The following SOX5 variants were observed in gnomAD, a reference collection of about 807,000 sequenced individuals.
SOX5 encodes transcription factor SOX-5.
In SOX5, 9 loss-of-function variants were observed where a neutral mutation model predicts 92.0. That is an observed-to-expected ratio of 0.10 (90% CI 0.06 to 0.17). SOX5 has a LOEUF of 0.17. Ranked by LOEUF, SOX5 falls within the 10% of genes least tolerant of loss-of-function variation. The probability of loss-of-function intolerance (pLI) is 1.00; values close to 1 mark genes in which losing one functional copy is unlikely to be tolerated. For missense variants in SOX5, 642 were observed against 944.5 expected (o/e 0.68, Z 4.20); for synonymous variants, 344 against 336.3 (o/e 1.02, Z -0.25).
chr12:23,557,022 T>A (rs189473758), intron 11 of SOX5, among the ~76,000 whole-genome samples: 132 of 152,320 alleles, frequency 8.7e-4, no homozygotes, highest in Non-Finnish European at 1.7e-3. Context: ...CACTTTTTTT[T>A]ATTATTAAAC....
chr12:23,947,025 C>A (rs184491631), intron 1 of SOX5, among the ~76,000 whole-genome samples: 34 of 151,764 alleles, frequency 2.2e-4, no homozygotes, highest in Non-Finnish European at 1.5e-5. Context: ...AAATCTAAAT[C>A]CAAATTTTGA....
intron 6 of SOX5, among the ~76,000 whole-genome samples, chr12:23,668,909 A>G (rs934361779): frequency 2.0e-5 from 3 of 152,210 alleles, no homozygotes; most frequent in Non-Finnish European, 2.9e-5. Flanking sequence ...AGAACAAGTA[A>G]ATACCTATCA....
intron 10 of SOX5, among the ~76,000 whole-genome samples, chr12:23,575,170 G>A (rs995387365): frequency 6.6e-6 from 1 of 152,122 alleles, no homozygotes; most frequent in African/African-American, 2.4e-5. Flanking sequence ...TAGAATTGAA[G>A]CTATCCACTC....
chr12:23,668,876 C>T (rs2084292087), intron 6 of SOX5, among the ~76,000 whole-genome samples: 1 of 152,134 alleles, frequency 6.6e-6, no homozygotes, highest in Admixed American at 6.6e-5. Context: ...CAACACAAAT[C>T]ACTTATATTA....
chr12:23,883,432 A>C (rs1454021284), intron 2 of SOX5, among the ~76,000 whole-genome samples: 4 of 152,018 alleles, frequency 2.6e-5, no homozygotes, highest in Non-Finnish European at 5.9e-5. Flanking sequence ...TGTTCTGATA[A>C]ATAATCATAA....
intron 1 of SOX5, among the ~76,000 whole-genome samples, chr12:24,476,310 G>GTTT (rs1945372065): frequency 6.6e-6 from 1 of 152,112 alleles, no homozygotes; most frequent in Non-Finnish European, 1.5e-5. Flanking sequence ...TTCTTACTGT[G>GTTT]TTTTCTACCA....
At chr12:24,472,491 TG>T (rs1944920256) in intron 1 of SOX5, among the ~76,000 whole-genome samples, 1 of 152,244 alleles carries the variant, frequency 6.6e-6, no homozygotes, top group African/African-American at 2.4e-5. Context: ...AACTGTGGAC[TG>T]GTTCTCTAAG....
chr12:23,586,701 T>C (rs370220034), intron 9 of SOX5, among the ~76,000 whole-genome samples: 172 of 151,746 alleles, frequency 1.1e-3, no homozygotes, highest in Middle Eastern at 0.01. Context: ...GGGCATGAGT[T>C]GTTGGAAGAT....
At chr12:23,996,930 C>A (rs1000739040) in intron 4 of SOX5, among the ~76,000 whole-genome samples, 4 of 152,198 alleles carry the variant, frequency 2.6e-5, no homozygotes, top group African/African-American at 7.2e-5. Flanking sequence ...AATGACTATG[C>A]CTCTGAATTG....
intron 2 of SOX5, among the ~76,000 whole-genome samples, chr12:24,315,119 C>T (rs1006661832): frequency 6.6e-6 from 1 of 152,176 alleles, no homozygotes; most frequent in African/African-American, 2.4e-5. Flanking sequence ...CTCATTTACT[C>T]TACCTCTAGT....
At chr12:23,700,391 T>TAAA (rs1377055733) in intron 6 of SOX5, among the ~76,000 whole-genome samples, 1 of 152,134 alleles carries the variant, frequency 6.6e-6, no homozygotes, top group African/African-American at 2.4e-5. Context: ...ATCTTAAACT[T>TAAA]CTCATTTTTC....
chr12:24,280,988 G>GGA (rs748413216), intron 2 of SOX5, among the ~76,000 whole-genome samples: 6 of 98,614 alleles, frequency 6.1e-5, no homozygotes, highest in East Asian at 2.9e-4. Context: ...TCAGGGGAAG[G>GGA]GAGAGAGAGA....
At chr12:23,824,461 CAA>C (rs1415774993) in intron 3 of SOX5, among the ~76,000 whole-genome samples, 1 of 152,224 alleles carries the variant, frequency 6.6e-6, no homozygotes, top group East Asian at 1.9e-4. Flanking sequence ...TGTAGAACAG[CAA>C]AGACTGCTGC....
chr12:24,097,024 CCTTACCAATG>C (rs1437040648), intron 4 of SOX5, among the ~76,000 whole-genome samples: 4 of 152,134 alleles, frequency 2.6e-5, no homozygotes, highest in Non-Finnish European at 5.9e-5. Context: ...TTCTCCACAT[CCTTACCAATG>C]CTAGTTATTT....
intron 9 of SOX5, among the ~76,000 whole-genome samples, chr12:23,580,026 T>C (rs867882405): frequency 1.3e-5 from 2 of 152,080 alleles, no homozygotes; most frequent in Non-Finnish European, 2.9e-5. Flanking sequence ...TCCAAACTTG[T>C]ATATCATAAA....
intron 1 of SOX5, among the ~76,000 whole-genome samples, chr12:24,385,588 A>T (rs1347758004): frequency 6.6e-6 from 1 of 152,072 alleles, no homozygotes; most frequent in African/African-American, 2.4e-5. Context: ...TGGCAAAAAA[A>T]CTTACACTTT....
At chr12:24,532,521 T>C (rs1951287760) in intron 1 of SOX5, among the ~76,000 whole-genome samples, 1 of 152,226 alleles carries the variant, frequency 6.6e-6, no homozygotes, top group Non-Finnish European at 1.5e-5. Flanking sequence ...GGATGCATAA[T>C]GTCAAACTCC....
chr12:24,506,406 CAAA>C (rs869163879), intron 1 of SOX5, among the ~76,000 whole-genome samples: 2 of 83,920 alleles, frequency 2.4e-5, no homozygotes, highest in Admixed American at 2.4e-4. Flanking sequence ...CATAAATTTA[CAAA>C]AAAAAAAAAA....
intron 4 of SOX5, among the ~76,000 whole-genome samples, chr12:24,082,955 A>G (rs1943547918): frequency 6.6e-6 from 1 of 152,112 alleles, no homozygotes; most frequent in South Asian, 2.1e-4. Context: ...TAATAATGGC[A>G]ACAAACTTCT....
Sources: allele counts gnomAD v4.1 joint callset (sites outside exome capture counted in the v4.1 genomes callset), GRCh38; gene constraint gnomAD v4.1.1; transcripts MANE v1.5; gene names NCBI Gene and HGNC (gene_info 2026-07-23, HGNC 2026-07-21).